ATP10D: variants seen among roughly 807,000 people sequenced by gnomAD.
The protein encoded by ATP10D is phospholipid-transporting ATPase VD.
A neutral mutation model predicts 144.8 loss-of-function variants in ATP10D; 89 were observed. The ratio of observed to expected loss-of-function variants is 0.61; its 90% confidence interval spans 0.52 to 0.73. The LOEUF is 0.73. Ranked by LOEUF, ATP10D falls within the 30% of genes least tolerant of loss-of-function variation. The pLI, the probability that ATP10D is intolerant of heterozygous loss-of-function variation, is 0.00. For missense variants in ATP10D, 1,603 were observed against 1,714.8 expected (o/e 0.93, Z 1.15); for synonymous variants, 571 against 615.1 (o/e 0.93, Z 1.06).
chr4:47,569,676 G>A (rs1377384375), intron 16 of ATP10D, among the ~76,000 whole-genome samples: 4 of 152,158 alleles, frequency 2.6e-5, no homozygotes, highest in Non-Finnish European at 4.4e-5. Context: ...AAGGTATCAG[G>A]TAGTGATAAG....
intron 5 of ATP10D, 72 bp from the exon 6 acceptor site, chr4:47,535,437 G>C (rs745605873): frequency 7.8e-5 from 92 of 1,176,844 alleles, no homozygotes; most frequent in Non-Finnish European, 1.0e-4. Flanking sequence ...AACATTCAAG[G>C]GCCATGAGAT....
chr4:47,526,236 A>G (rs1717237881), intron 5 of ATP10D, among the ~76,000 whole-genome samples: 1 of 152,256 alleles, frequency 6.6e-6, no homozygotes, highest in Non-Finnish European at 1.5e-5. Flanking sequence ...TTCCCCAAAA[A>G]TCAGGTTTGG....
rs1717879729 is a variant in ATP10D, at chr4:47,536,818, G to T, written c.1276G>T (p.Ala426Ser). 6.2e-7 allele frequency: 1 copy of T among 1,612,964 alleles called. No homozygotes were observed. The highest frequency in any genetic ancestry group is 8.5e-7 in the Non-Finnish European group (1 of 1,179,614). ...TGTTCAGTGCCGAGCCCTGAACATC[G>T]CCGAGGATCTGGGACAGATTCAGTA... Reference protein sequence around the residue: ...SIVQCRALNIAEDLGQIQYLF... With the variant: ...SIVQCRALNISEDLGQIQYLF... The change falls in exon 9 of 23, where the codon GCC becomes TCC. Residue 426 changes from alanine (A) to serine (S), a missense_variant. By Grantham distance (99) the Ala-to-Ser change is moderately conservative. Transcript: ENST00000273859.
intron 9 of ATP10D, among the ~76,000 whole-genome samples, chr4:47,543,509 T>C (rs1410739055): frequency 6.6e-6 from 1 of 152,200 alleles, no homozygotes; most frequent in Non-Finnish European, 1.5e-5. Flanking sequence ...GCAGCACACT[T>C]CACCCAGTTA....
At chr4:47,511,906 C>T (rs1577628200) in intron 1 of ATP10D, among the ~76,000 whole-genome samples, 1 of 152,302 alleles carries the variant, frequency 6.6e-6, no homozygotes, top group East Asian at 1.9e-4. Context: ...TGAACAAGCA[C>T]TTTTCAAGCC....
In ATP10D at chr4:47,583,898, C is replaced by T. The variant is rs562993770; in HGVS notation, c.3753+1834C>T. 2.0e-5 allele frequency among the ~76,000 whole-genome samples: 3 copies of T among 152,320 alleles called. No individual in the cohort carries two copies. The South Asian group carries it at 6.2e-4, about 32-fold the overall frequency. On this transcript the variant is annotated intron_variant, in intron 21 of 22. Coordinates refer to ENST00000273859, the MANE Select transcript of ATP10D (RefSeq NM_020453.4). ...TGGTCAGGCTTGTCAGGATGGTCCT[C>T]TGGTCTGAACTGGCTCCATTTATTT...
At chr4:47,504,145 TA>T (rs906948195) in intron 1 of ATP10D, among the ~76,000 whole-genome samples, 26 of 152,322 alleles carry the variant, frequency 1.7e-4, no homozygotes, top group Admixed American at 1.7e-3. Context: ...AAGGATTATG[TA>T]ACTTCATTAT....
chr4:47,555,324 A>T (rs1391899581), intron 11 of ATP10D, among the ~76,000 whole-genome samples: 7 of 152,218 alleles, frequency 4.6e-5, no homozygotes, highest in African/African-American at 1.7e-4. Flanking sequence ...CTAATACCTG[A>T]TGATCTGAGG....
At chr4:47,587,392 C>T (rs1002391735) in intron 22 of ATP10D, among the ~76,000 whole-genome samples, 186 bp downstream of exon 22, 2 of 152,026 alleles carry the variant, frequency 1.3e-5, no homozygotes, top group Non-Finnish European at 2.9e-5. Context: ...TTAAGCAAAC[C>T]GAGAGACTGA....
At chr4:47,518,394 C>T (rs1716788538) in intron 3 of ATP10D, among the ~76,000 whole-genome samples, 1 of 152,010 alleles carries the variant, frequency 6.6e-6, no homozygotes. Context: ...TTAAGATTTC[C>T]CTTAAAATAG....
intron 9 of ATP10D, among the ~76,000 whole-genome samples, chr4:47,545,072 G>A (rs1718345235): frequency 6.6e-6 from 1 of 152,302 alleles, no homozygotes; most frequent in African/African-American, 2.4e-5. Flanking sequence ...GGAGGGTCAG[G>A]CAAGGCCTCT....
chr4:47,577,039 A>G, intron 19 of ATP10D, 66 bp downstream of exon 19: 1 of 1,445,802 alleles, frequency 6.9e-7, no homozygotes, highest in Non-Finnish European at 9.7e-7. Context: ...GTGTTTTCTT[A>G]GTTAGCAAAA....
At chr4:47,559,107 C>G in intron 13 of ATP10D, 78 bp downstream of exon 13, 1 of 1,114,202 alleles carries the variant, frequency 9.0e-7, no homozygotes, top group South Asian at 1.3e-5. Context: ...CAGCGTGTAG[C>G]AAACCCTAAT....
intron 5 of ATP10D, among the ~76,000 whole-genome samples, chr4:47,534,119 T>C (rs1717705219): frequency 6.6e-6 from 1 of 152,158 alleles, no homozygotes; most frequent in African/African-American, 2.4e-5. Context: ...ATTGAGTCAT[T>C]GAGCTTACAG....
chr4:47,580,587 G>C, intron 20 of ATP10D, 109 bp downstream of exon 20: 9 of 949,126 alleles, frequency 9.5e-6, no homozygotes, highest in Non-Finnish European at 1.4e-5. Context: ...ATATAATCAG[G>C]TTGATTATTA....
Position 47,591,146 on chromosome 4 carries a change from A to G in ATP10D, c.4046A>G (p.Lys1349Arg), listed in dbSNP as rs200479028. 42 of 1,613,466 alleles carry G rather than the reference A, an allele frequency of 2.6e-5. No individual in the cohort carries two copies. Among genetic ancestry groups the G allele is most frequent in the Non-Finnish European group, 3.4e-5 (40 of 1,179,650 alleles). ...GAGGAGAGGACTAAAGCTCTCAAGA[A>G]GTGGAGAGGGGCTGGAAAGATGAAT... ...TPEERTKALK[K>R]WRGAGKMNQV... The change falls in exon 23 of 23, where the codon AAG (lysine) becomes AGG (arginine). Residue 1349 changes from lysine (K) to arginine (R), a missense_variant. Lys to Arg is a conservative substitution (Grantham distance 26, BLOSUM62 2). Transcript: ENST00000273859.
At position 47,575,926 on chromosome 4, in the gene ATP10D, T is replaced by C. The variant is rs1206399790; in HGVS notation, c.3367-847T>C. On this transcript the variant is annotated intron_variant, in intron 18 of 22. Transcript: ENST00000273859. The stretch of plus-strand genomic sequence containing the variant: ...ATGATGAGAGCTCACTGGGGTCCCT[T>C]TTTTTTTTTTTTTTTTTTTTTTTGA... 1.5e-4 allele frequency among the ~76,000 whole-genome samples: 6 copies of C among 40,832 alleles called. No individual in the cohort carries two copies. The East Asian group carries it at 7.5e-3, about 51-fold the overall frequency. 26.8% of individuals were successfully genotyped at this position (40,832 alleles called of 152,430 possible).
intron 13 of ATP10D, 97 bp downstream of exon 13, chr4:47,559,126 T>C (rs1719146554): frequency 1.2e-6 from 1 of 835,872 alleles, no homozygotes; most frequent in African/African-American, 1.7e-5. Flanking sequence ...ATCCAGATGC[T>C]GGGGAAAGTC....
At chr4:47,570,742 G>A (rs1719905877) in intron 16 of ATP10D, among the ~76,000 whole-genome samples, 1 of 151,808 alleles carries the variant, frequency 6.6e-6, no homozygotes, top group Non-Finnish European at 1.5e-5. Flanking sequence ...AGCGGAGGTT[G>A]CAGTGAGCTG....
Sources: gnomAD v4.1 joint callset for allele counts (sites outside exome capture counted in the v4.1 genomes callset) on GRCh38, gnomAD v4.1.1 for gene constraint, MANE v1.5 for transcripts, NCBI Gene and HGNC (gene_info 2026-07-23, HGNC 2026-07-21) for gene names.